The following FAT3 variants were observed in gnomAD, a reference collection of about 807,000 sequenced individuals.
FAT3 encodes the protein protocadherin Fat 3.
A neutral mutation model predicts 310.2 loss-of-function variants in FAT3; 95 were observed. The ratio of observed to expected loss-of-function variants is 0.31; its 90% CI spans 0.26 to 0.36. The LOEUF (loss-of-function observed/expected upper bound fraction) is 0.36. Ranked by LOEUF, FAT3 falls within the 10% of genes least tolerant of loss-of-function variation. The pLI is 1.00. For missense variants in FAT3, 5,408 were observed against 5,715.6 expected (o/e 0.95, Z 1.74); for synonymous variants, 2,314 against 2,192.9 (o/e 1.06, Z -1.54).
At chr11:92,680,581 A>G (rs1943453920) in intron 3 of FAT3, among the ~76,000 whole-genome samples, 1 of 152,120 alleles carries the variant, frequency 6.6e-6, no homozygotes, top group Non-Finnish European at 1.5e-5. Context: ...GGATTGCTTT[A>G]GCTTTTGGGG....
At chr11:92,601,197 G>A (rs1232434266) in intron 3 of FAT3, among the ~76,000 whole-genome samples, 2 of 151,382 alleles carry the variant, frequency 1.3e-5, no homozygotes, top group Non-Finnish European at 2.9e-5. Context: ...AGGAAGTGAA[G>A]GTGCAGGCAG....
At chr11:92,652,649 C>CA (rs1336242799) in intron 3 of FAT3, among the ~76,000 whole-genome samples, 1 of 152,190 alleles carries the variant, frequency 6.6e-6, no homozygotes. Flanking sequence ...AACTGCTCCT[C>CA]AGAAACCGGC....
chr11:92,670,939 A>G (rs972514365), intron 3 of FAT3, among the ~76,000 whole-genome samples: 1 of 152,130 alleles, frequency 6.6e-6, no homozygotes, highest in African/African-American at 2.4e-5. Context: ...TTCCATTGCT[A>G]TAAAACTAAA....
rs61901520 is a variant in FAT3, at chr11:92,283,108, T to A, written c.-18+57934T>A. 7.6e-3 allele frequency among the ~76,000 whole-genome samples: 1,150 copies of A among 152,286 alleles called. 12 individuals are homozygous for A. The highest frequency in any genetic ancestry group is 0.017 in the Middle Eastern group (5 of 294). The stretch of plus-strand genomic sequence containing the variant: ...GACTGTGTCCAGCACTTAGTAGGTG[T>A]TCTGTGCTCTGTCTACAGCCCAGCC... On this transcript the variant is annotated intron_variant, in intron 1 of 27. Coordinates refer to ENST00000525166, the MANE Select transcript of FAT3 (RefSeq NM_001367949.2).
chr11:92,351,772 G>T (rs1328525926), intron 1 of FAT3, among the ~76,000 whole-genome samples: 1 of 151,982 alleles, frequency 6.6e-6, no homozygotes, highest in African/African-American at 2.4e-5. Flanking sequence ...TGCACTTAAG[G>T]CTTCCAATAT....
At position 92,761,967 on chromosome 11, in the gene FAT3, A is replaced by C; in HGVS notation, c.3781A>C (p.Ile1261Leu). Residue 1261 changes from isoleucine (I) to leucine (L), a missense_variant, in exon 5 of 28, where the codon ATC becomes CTC. Physicochemically the swap from Ile to Leu is conservative, Grantham distance 5. Coordinates refer to ENST00000525166, the MANE Select transcript of FAT3 (RefSeq NM_001367949.2). Reference sequence around the variant, plus strand: ...CCAGTTCCCAGAGAAGGTCTACCAGATCAAGCTGCCAGAACGTGACCGAAA... The same window carrying C: ...CCAGTTCCCAGAGAAGGTCTACCAGCTCAAGCTGCCAGAACGTGACCGAAA... ...KPQFPEKVYQ[I>L]KLPERDRKKR... The C allele has an allele frequency of 6.2e-7, 1 of 1,614,010 alleles. No homozygotes were observed. The highest frequency in any genetic ancestry group is 8.5e-7 in the Non-Finnish European group (1 of 1,179,890).
intron 2 of FAT3, among the ~76,000 whole-genome samples, chr11:92,466,217 C>T (rs1405516669): frequency 1.3e-5 from 2 of 152,046 alleles, no homozygotes; most frequent in Non-Finnish European, 2.9e-5. Flanking sequence ...TGTTCTAATA[C>T]CTTCAAACAT....
Position 92,559,519 on chromosome 11 carries a change from G to A in FAT3, c.3607+34571G>A, listed in dbSNP as rs113740767. On this transcript the variant is annotated intron_variant, in intron 3 of 27. Coordinates refer to ENST00000525166, the MANE Select transcript of FAT3 (RefSeq NM_001367949.2). ...CCTGCCTCAGCCTCTTGAGTAGCTGGGACTATAGGCATGCACCGCCATGCC... is the reference window on the plus strand; with the variant it reads ...CCTGCCTCAGCCTCTTGAGTAGCTGAGACTATAGGCATGCACCGCCATGCC... 3.0e-3 allele frequency: 1,014 copies of A among 341,414 alleles called. 8 individuals carry two copies. Among genetic ancestry groups the A allele is most frequent in the African/African-American group, 0.021 (938 of 45,270 alleles). The allele number at this position is 341,414 out of a possible 1,614,324, so 21.1% of individuals were successfully genotyped here.
intron 2 of FAT3, among the ~76,000 whole-genome samples, chr11:92,384,111 A>T (rs1201212800): frequency 6.6e-6 from 1 of 152,286 alleles, no homozygotes; most frequent in East Asian, 1.9e-4. Flanking sequence ...GTAAGTCATT[A>T]ATACTAGCCT....
At chr11:92,739,116 A>T (rs529012335) in intron 4 of FAT3, among the ~76,000 whole-genome samples, 2 of 152,242 alleles carry the variant, frequency 1.3e-5, no homozygotes, top group South Asian at 4.1e-4. Context: ...AAAGCTACAT[A>T]AAAGGACAGA....
intron 4 of FAT3, among the ~76,000 whole-genome samples, chr11:92,727,656 C>T (rs961668730): frequency 2.0e-5 from 3 of 152,148 alleles, no homozygotes; most frequent in African/African-American, 7.2e-5. Flanking sequence ...ATGGGCAGCA[C>T]GCACTGCCTA....
At chr11:92,542,260 T>G (rs1231587951) in intron 3 of FAT3, among the ~76,000 whole-genome samples, 1 of 152,050 alleles carries the variant, frequency 6.6e-6, no homozygotes, top group African/African-American at 2.4e-5. Flanking sequence ...GGGAAAATGT[T>G]CATGGCATTG....
intron 2 of FAT3, among the ~76,000 whole-genome samples, chr11:92,465,137 GA>G (rs1468495714): frequency 6.6e-6 from 1 of 152,038 alleles, no homozygotes; most frequent in Non-Finnish European, 1.5e-5. Flanking sequence ...TAATGGCAAG[GA>G]AAAAAATTTG....
intron 3 of FAT3, among the ~76,000 whole-genome samples, chr11:92,587,914 A>G (rs947295040): frequency 6.6e-6 from 1 of 152,048 alleles, no homozygotes; most frequent in African/African-American, 2.4e-5. Flanking sequence ...TAAACAAAGG[A>G]CAAATTTGTT....
chr11:92,849,616 G>A (rs1948769057), intron 19 of FAT3, among the ~76,000 whole-genome samples: 1 of 152,140 alleles, frequency 6.6e-6, no homozygotes. Flanking sequence ...AGTTATAGAT[G>A]GTGTTATTGG....
chr11:92,748,111 AT>A (rs1945726148), intron 4 of FAT3, among the ~76,000 whole-genome samples: 1 of 152,194 alleles, frequency 6.6e-6, no homozygotes, highest in Non-Finnish European at 1.5e-5. Context: ...AGGCTGGGTA[AT>A]TTATAAAGGA....
intron 3 of FAT3, among the ~76,000 whole-genome samples, chr11:92,696,740 T>C (rs1233472162): frequency 6.6e-6 from 1 of 152,200 alleles, no homozygotes; most frequent in Non-Finnish European, 1.5e-5. Context: ...GTCTTTATAC[T>C]CAAAGGGGTG....
chr11:92,809,697 C>T (rs1037221063), intron 12 of FAT3, 146 bp from the exon 13 acceptor site: 2 of 623,514 alleles, frequency 3.2e-6, no homozygotes, highest in Non-Finnish European at 5.6e-6. Context: ...GTTGAATTTG[C>T]TACATTTTTA....
chr11:92,427,489 G>A (rs1406149518), intron 2 of FAT3, among the ~76,000 whole-genome samples: 1 of 152,164 alleles, frequency 6.6e-6, no homozygotes. Context: ...CATTCAGTAT[G>A]ATATTGGCTG....
Sources: gnomAD v4.1 joint callset for allele counts (sites outside exome capture counted in the v4.1 genomes callset) on GRCh38, gnomAD v4.1.1 for gene constraint, MANE v1.5 for transcripts, NCBI Gene and HGNC (gene_info 2026-07-23, HGNC 2026-07-21) for gene names.